The following GRXCR1 variants were observed in gnomAD, a reference collection of about 807,000 sequenced individuals.
GRXCR1 encodes the protein glutaredoxin domain-containing cysteine-rich protein 1.
GRXCR1 carries 27 observed loss-of-function variants against 27.3 expected under a neutral mutation model. The ratio of observed to expected loss-of-function variants is 0.99; its 90% CI spans 0.73 to 1.37. The LOEUF is 1.37. GRXCR1 is among the 40% of genes most tolerant of loss of function. The pLI is 0.00. For synonymous variants in GRXCR1, 122 were observed against 131.1 expected (o/e 0.93, Z 0.47); for missense variants, 379 against 354.4 (o/e 1.07, Z -0.56).
At chr4:42,961,731 G>A (rs544486876) in intron 1 of GRXCR1, among the ~76,000 whole-genome samples, 1 of 152,038 alleles carries the variant, frequency 6.6e-6, no homozygotes, top group South Asian at 2.1e-4. Flanking sequence ...ATAAGGTGGA[G>A]AACTTTGTAT....
Position 42,903,664 on chromosome 4 carries a change from C to A in GRXCR1, c.384+10014C>A, listed in dbSNP as rs150446401. On this transcript the variant is annotated intron_variant, in intron 1 of 3. Transcript: ENST00000399770. ...TTTCATACATTTATATATGCCCCTT[C>A]CCATTTTTCTTTTTTCCCCTAAATT... Among the ~76,000 whole-genome samples, 115 of 148,034 alleles carry A rather than the reference C, an allele frequency of 7.8e-4. 29 individuals are homozygous for A. In the East Asian group the frequency reaches 0.023, roughly 30 times the overall value.
chr4:42,914,949 G>A (rs1746851542), intron 1 of GRXCR1, among the ~76,000 whole-genome samples: 1 of 152,068 alleles, frequency 6.6e-6, no homozygotes, highest in Non-Finnish European at 1.5e-5. Flanking sequence ...ACCCTCTAAA[G>A]AGGTGTCTTC....
intron 1 of GRXCR1, among the ~76,000 whole-genome samples, chr4:42,913,986 G>A (rs1384952078): frequency 6.6e-6 from 1 of 152,172 alleles, no homozygotes; most frequent in Non-Finnish European, 1.5e-5. Context: ...TTGAGGTTTG[G>A]GAATCTCCAC....
chr4:42,992,717 T>G (rs757096568), intron 2 of GRXCR1, among the ~76,000 whole-genome samples: 7 of 152,116 alleles, frequency 4.6e-5, no homozygotes, highest in Non-Finnish European at 1.0e-4. Flanking sequence ...GTTTCATTGT[T>G]CACAGCTGCC....
At chr4:43,016,621 GC>G (rs1402736086) in intron 2 of GRXCR1, among the ~76,000 whole-genome samples, 1 of 109,850 alleles carries the variant, frequency 9.1e-6, no homozygotes, top group Non-Finnish European at 1.8e-5. Context: ...GTAACGGGAA[GC>G]AGTTGTGTGT....
At chr4:42,913,782 T>C (rs189219921) in intron 1 of GRXCR1, among the ~76,000 whole-genome samples, 3 of 152,254 alleles carry the variant, frequency 2.0e-5, no homozygotes, top group East Asian at 3.9e-4. Flanking sequence ...AAAAATGGTT[T>C]TGTGGGCTGA....
chr4:42,911,581 A>G (rs182430402), intron 1 of GRXCR1, among the ~76,000 whole-genome samples: 1 of 152,180 alleles, frequency 6.6e-6, no homozygotes, highest in Admixed American at 6.5e-5. Flanking sequence ...AAGGGCAACT[A>G]GGTTTCCAAG....
chr4:42,903,105 G>T (rs1746498620), intron 1 of GRXCR1, among the ~76,000 whole-genome samples: 1 of 152,098 alleles, frequency 6.6e-6, no homozygotes, highest in South Asian at 2.1e-4. Context: ...GGAGCCCGAA[G>T]GCTGAAGATT....
chr4:42,913,331 G>A (rs915437745), intron 1 of GRXCR1, among the ~76,000 whole-genome samples: 2 of 152,168 alleles, frequency 1.3e-5, no homozygotes. Flanking sequence ...TGACCAAAAT[G>A]CTGATAGTGA....
chr4:43,021,105 A>G (rs1227526779), intron 3 of GRXCR1, among the ~76,000 whole-genome samples: 1 of 152,168 alleles, frequency 6.6e-6, no homozygotes, highest in Non-Finnish European at 1.5e-5. Flanking sequence ...ATGGTTATCC[A>G]GTATCTATAT....
chr4:43,023,043 T>A (rs947165953), intron 3 of GRXCR1, among the ~76,000 whole-genome samples: 6 of 152,298 alleles, frequency 3.9e-5, no homozygotes, highest in Middle Eastern at 3.4e-3. Flanking sequence ...AAACCCATGA[T>A]GTTAATTAAC....
intron 3 of GRXCR1, among the ~76,000 whole-genome samples, chr4:43,023,660 A>G (rs866123038): frequency 1.2e-4 from 19 of 152,208 alleles, no homozygotes; most frequent in African/African-American, 4.1e-4. Context: ...TGTGAGCTCC[A>G]TGTGAACACA....
At chr4:42,974,219 G>T (rs946834630) in intron 2 of GRXCR1, among the ~76,000 whole-genome samples, 6 of 152,016 alleles carry the variant, frequency 3.9e-5, no homozygotes, top group Admixed American at 2.6e-4. Context: ...TGGAAAATTG[G>T]GATTGATTGG....
At chr4:42,947,135 CT>C (rs2109766417) in intron 1 of GRXCR1, among the ~76,000 whole-genome samples, 1 of 152,158 alleles carries the variant, frequency 6.6e-6, no homozygotes, top group Non-Finnish European at 1.5e-5. Context: ...GGAGTCTGAG[CT>C]GAGGATGTAC....
chr4:43,001,019 C>T (rs546454456), intron 2 of GRXCR1, among the ~76,000 whole-genome samples: 4 of 151,978 alleles, frequency 2.6e-5, no homozygotes, highest in East Asian at 3.9e-4. Flanking sequence ...CTCTACCTCC[C>T]GGGTTCAAGC....
intron 1 of GRXCR1, among the ~76,000 whole-genome samples, chr4:42,905,640 A>G (rs368180405): frequency 6.6e-6 from 1 of 152,180 alleles, no homozygotes; most frequent in African/African-American, 2.4e-5. Context: ...TTCAAAATGG[A>G]TGCCATAGCT....
chr4:42,982,997 T>G lies in GRXCR1; in HGVS notation c.627+19863T>G, dbSNP rs1033218656. Reference sequence around the variant, plus strand: ...TAGGTTGCGAAAATTTTCTCCCATTTTGTAGGTTGCCTGTTCACTCTGATG... The same window carrying G: ...TAGGTTGCGAAAATTTTCTCCCATTGTGTAGGTTGCCTGTTCACTCTGATG... On this transcript the variant is annotated intron_variant, in intron 2 of 3. Transcript: ENST00000399770. Among the ~76,000 whole-genome samples, 288 of 152,110 alleles carry G rather than the reference T, an allele frequency of 1.9e-3. 2 individuals carry two copies. The highest frequency in any genetic ancestry group is 6.7e-3 in the African/African-American group (278 of 41,512).
Position 42,927,676 on chromosome 4 carries a change from GA to G in GRXCR1, c.384+34036del, listed in dbSNP as rs1038278349. Reference sequence around the variant, plus strand: ...AGAAAGAAAGAACTGCAAGAAAACAGAAAAAAAAAATAATTCTGCTAAGATC... The same window carrying G: ...AGAAAGAAAGAACTGCAAGAAAACAGAAAAAAAAATAATTCTGCTAAGATC... On this transcript the variant is annotated intron_variant, in intron 1 of 3. Coordinates refer to ENST00000399770, the MANE Select transcript of GRXCR1 (RefSeq NM_001080476.3). Among the ~76,000 whole-genome samples the G allele has an allele frequency of 8.3e-3, 1,227 of 147,696 alleles. 21 individuals carry two copies. Among genetic ancestry groups the G allele is most frequent in the African/African-American group, 0.028 (1,118 of 40,428 alleles).
chr4:42,906,628 T>C (rs1336993682), intron 1 of GRXCR1, among the ~76,000 whole-genome samples: 1 of 152,160 alleles, frequency 6.6e-6, no homozygotes, highest in Non-Finnish European at 1.5e-5. Context: ...CAGCTCCAGC[T>C]TTCCTGATTT....
Sources: allele counts gnomAD v4.1 joint callset (sites outside exome capture counted in the v4.1 genomes callset), GRCh38; gene constraint gnomAD v4.1.1; transcripts MANE v1.5; gene names NCBI Gene and HGNC (gene_info 2026-07-23, HGNC 2026-07-21).